Variants in ANO2 observed in about 807,000 individuals in gnomAD.
ANO2 encodes anoctamin-2.
ANO2 carries 101 observed loss-of-function variants against 124.2 expected under a neutral mutation model. The ratio of observed to expected loss-of-function variants is 0.81; its 90% CI spans 0.69 to 0.96. The LOEUF (loss-of-function observed/expected upper bound fraction) is 0.96. Ranked by LOEUF, ANO2 falls within the 40% of genes least tolerant of loss-of-function variation. The probability of loss-of-function intolerance (pLI) is 0.00; values close to 1 mark genes in which losing one functional copy is unlikely to be tolerated. For synonymous variants in ANO2, 486 were observed against 482.5 expected (o/e 1.01, Z -0.09); for missense variants, 1,293 against 1,274.5 (o/e 1.01, Z -0.22).
At chr12:5,882,887 G>A (rs1316781052) in intron 3 of ANO2, among the ~76,000 whole-genome samples, 2 of 152,196 alleles carry the variant, frequency 1.3e-5, no homozygotes, top group East Asian at 3.9e-4. Flanking sequence ...GAGATATGCT[G>A]GACAGGAGGG....
rs1201860118 is a variant in ANO2, at chr12:5,612,681, T to C, written c.2062A>G (p.Asn688Asp). Reference sequence around the variant, plus strand: ...GGGACTCCAATCTCAAAGATGTTGTTCTGGATCAACTGCTTCCCCAACATG... The same window carrying C: ...GGGACTCCAATCTCAAAGATGTTGTCCTGGATCAACTGCTTCCCCAACATG... ...IIMLGKQLIQ[N>D]NIFEIGVPKL... The change falls in exon 19 of 25, where the codon AAC becomes GAC. Residue 688 changes from asparagine to aspartate, a missense_variant. Asn to Asp is a conservative substitution (Grantham distance 23, BLOSUM62 1). Coordinates refer to ENST00000682330, the MANE Select transcript of ANO2 (RefSeq NM_001364791.2). 1 of 1,613,838 alleles carries C rather than the reference T, an allele frequency of 6.2e-7. No individual in the cohort carries two copies. Among genetic ancestry groups the C allele is most frequent in the African/African-American group, 1.3e-5 (1 of 74,914 alleles).
intron 14 of ANO2, among the ~76,000 whole-genome samples, chr12:5,713,105 A>G (rs1565597979): frequency 6.6e-6 from 1 of 152,204 alleles, no homozygotes; most frequent in Non-Finnish European, 1.5e-5. Flanking sequence ...AGGAGAGACC[A>G]GTTAGAGGGT....
intron 3 of ANO2, among the ~76,000 whole-genome samples, chr12:5,902,129 G>C (rs894828820): frequency 1.3e-5 from 2 of 152,210 alleles, no homozygotes; most frequent in African/African-American, 4.8e-5. Flanking sequence ...CTACAGCATA[G>C]TGAGAAAGCT....
chr12:5,755,423 T>G (rs1385154014), intron 10 of ANO2, among the ~76,000 whole-genome samples: 2 of 151,440 alleles, frequency 1.3e-5, no homozygotes. Flanking sequence ...ATTTTTATTA[T>G]ACTTTAAGTT....
intron 14 of ANO2, among the ~76,000 whole-genome samples, chr12:5,725,709 A>G (rs1950410479): frequency 6.6e-6 from 1 of 152,022 alleles, no homozygotes; most frequent in Non-Finnish European, 1.5e-5. Flanking sequence ...TGGTAAGGCC[A>G]GCTCTGCTCC....
chr12:5,645,924 A>G (rs1475228368), intron 15 of ANO2, among the ~76,000 whole-genome samples: 1 of 152,238 alleles, frequency 6.6e-6, no homozygotes, highest in Admixed American at 6.5e-5. Context: ...AGAAAGCCAC[A>G]GTAGGGATTG....
chr12:5,903,308 C>T (rs900636680), intron 3 of ANO2, among the ~76,000 whole-genome samples: 1 of 152,102 alleles, frequency 6.6e-6, no homozygotes, highest in Non-Finnish European at 1.5e-5. Context: ...ACAGCTAATC[C>T]TGAGCTTCTG....
intron 16 of ANO2, among the ~76,000 whole-genome samples, chr12:5,633,155 G>T (rs796566244): frequency 3.3e-5 from 5 of 152,300 alleles, no homozygotes; most frequent in African/African-American, 1.2e-4. Flanking sequence ...AGAGAAGGAG[G>T]AGTAGCTTAT....
rs182361207 is a variant in ANO2 at position 5,563,837 on chromosome 12, T to C, written c.2728-269A>G. On this transcript the variant is annotated intron_variant, in intron 24 of 24. Transcript: ENST00000682330. ...CTGGCACAGAGCAGGACTCCATCAG[T>C]AGTAGTTACTGCTTCTCCCCTTCCC... Among the ~76,000 whole-genome samples the C allele has an allele frequency of 2.5e-3, 375 of 152,356 alleles. 2 individuals carry two copies. Among genetic ancestry groups the C allele is most frequent in the Non-Finnish European group, 3.5e-3 (235 of 68,036 alleles).
At chr12:5,717,474 C>T (rs1287543983) in intron 14 of ANO2, among the ~76,000 whole-genome samples, 1 of 152,150 alleles carries the variant, frequency 6.6e-6, no homozygotes, top group Non-Finnish European at 1.5e-5. Context: ...ATGTAGAAGC[C>T]TAGTTAAATT....
At chr12:5,613,007 G>T in intron 17 of ANO2, 49 bp from the exon 18 acceptor site, 1 of 1,586,480 alleles carries the variant, frequency 6.3e-7, no homozygotes, top group Non-Finnish European at 8.7e-7. Flanking sequence ...AAGCATGCAG[G>T]GTGGCTCAAG....
At chr12:5,607,994 A>G (rs1459372640) in intron 19 of ANO2, among the ~76,000 whole-genome samples, 1 of 152,124 alleles carries the variant, frequency 6.6e-6, no homozygotes, top group East Asian at 1.9e-4. Context: ...CCCCCGGTCC[A>G]CGGAAAAACT....
At chr12:5,920,701 T>TA (rs965319126) in intron 3 of ANO2, among the ~76,000 whole-genome samples, 33 of 151,954 alleles carry the variant, frequency 2.2e-4, no homozygotes, top group African/African-American at 7.5e-4. Context: ...CCGTCTCTAC[T>TA]AAAAAAATAC....
intron 14 of ANO2, among the ~76,000 whole-genome samples, chr12:5,705,244 A>G (rs1265229979): frequency 6.6e-6 from 1 of 152,198 alleles, no homozygotes; most frequent in Non-Finnish European, 1.5e-5. Context: ...CCTAATAGAG[A>G]GCAAATCAAA....
In ANO2 at chr12:5,599,515, G is replaced by A; in HGVS notation, c.2202C>T (p.Tyr734=). The A allele has an allele frequency of 6.2e-7, 1 of 1,612,898 alleles. No individual in the cohort carries two copies. Among genetic ancestry groups the A allele is most frequent in the South Asian group, 1.1e-5 (1 of 90,718 alleles). ...QWDLDYSLEP[Y]TGLTPEYMEM... ...CCATGTACTCCGGAGTCAGTCCTGT[G>A]TATGGTTCCAAGCTGTAGTCTAGGT... The change falls in exon 20 of 25, where the codon TAC becomes TAT. Residue 734 remains tyrosine, a synonymous_variant. Coordinates refer to ENST00000682330, the MANE Select transcript of ANO2 (RefSeq NM_001364791.2).
chr12:5,832,410 T>C (rs1317253112), intron 5 of ANO2, 42 bp downstream of exon 5: 2 of 1,611,026 alleles, frequency 1.2e-6, no homozygotes, highest in Non-Finnish European at 1.7e-6. Context: ...TTTTCCTTCC[T>C]ATCCCTTCCC....
At chr12:5,814,426 T>C (rs1953535783) in intron 7 of ANO2, among the ~76,000 whole-genome samples, 1 of 152,274 alleles carries the variant, frequency 6.6e-6, no homozygotes, top group Non-Finnish European at 1.5e-5. Context: ...CTCACAGCCA[T>C]GTGGCTTGCT....
chr12:5,915,485 G>A lies in ANO2; in HGVS notation c.534+5555C>T, dbSNP rs116537271. Among the ~76,000 whole-genome samples the A allele has an allele frequency of 3.1e-3, 466 of 152,276 alleles. 5 individuals are homozygous for A. Among genetic ancestry groups the A allele is most frequent in the African/African-American group, 0.01 (421 of 41,552 alleles). On this transcript the variant is annotated intron_variant, in intron 3 of 24. Coordinates refer to ENST00000682330, the MANE Select transcript of ANO2 (RefSeq NM_001364791.2). The stretch of plus-strand genomic sequence containing the variant: ...TATTCAAACAGAGTTCAGTGGATGC[G>A]AAGTTCTTTTGATCTGTAAGGCTAA...
At chr12:5,718,547 G>T (rs1565604123) in intron 14 of ANO2, among the ~76,000 whole-genome samples, 1 of 152,238 alleles carries the variant, frequency 6.6e-6, no homozygotes, top group African/African-American at 2.4e-5. Context: ...GAGGTGGGGG[G>T]AGGAAAGCAC....
Sources: allele counts gnomAD v4.1 joint callset (sites outside exome capture counted in the v4.1 genomes callset), GRCh38; gene constraint gnomAD v4.1.1; transcripts MANE v1.5; gene names NCBI Gene and HGNC (gene_info 2026-07-23, HGNC 2026-07-21).